Variants in GMPS observed in about 807,000 individuals in gnomAD.
The protein encoded by GMPS is guanosine monophosphate synthase, also known as GMP synthase [glutamine-hydrolyzing].
In GMPS, 15 loss-of-function variants were observed where a neutral mutation model predicts 77.9. That is an observed-to-expected ratio of 0.19 (90% CI 0.13 to 0.30). GMPS has a LOEUF of 0.30. Ranked by LOEUF, GMPS falls within the 10% of genes least tolerant of loss-of-function variation. The probability of loss-of-function intolerance (pLI) is 1.00; values close to 1 mark genes in which losing one functional copy is unlikely to be tolerated. For synonymous variants in GMPS, 224 were observed against 275.9 expected, an observed-to-expected ratio of 0.81 and a Z score of 1.86; for missense variants, 590 against 838.8, an observed-to-expected ratio of 0.70 and a Z score of 3.66.
At chr3:155,878,401 T>C (rs1403481457) in intron 1 of GMPS, among the ~76,000 whole-genome samples, 1 of 152,240 alleles carries the variant, frequency 6.6e-6, no homozygotes, top group Non-Finnish European at 1.5e-5. Flanking sequence ...TATCCACTTA[T>C]CAGTTGATGA....
At chr3:155,934,804 A>C (rs1755718554) in intron 13 of GMPS, 112 bp from the exon 14 acceptor site, 1 of 698,094 alleles carries the variant, frequency 1.4e-6, no homozygotes, top group Non-Finnish European at 2.5e-6. Context: ...CCTGAAACTA[A>C]GTGGGAAATG....
chr3:155,896,729 ATTTTTTT>A (rs1020255894), intron 2 of GMPS, among the ~76,000 whole-genome samples: 6 of 92,056 alleles, frequency 6.5e-5, no homozygotes, highest in African/African-American at 1.9e-4. Flanking sequence ...CCTTACTGAG[ATTTTTTT>A]TTTTTTTTTT....
At position 155,937,696 on chromosome 3, in the gene GMPS, ACTT is replaced by A. The variant is rs1207158758; in HGVS notation, c.*8_*10del. ...AGGAACTACTGAGTGGGAGTAATAA[ACTT>A]CTTGTTCTATTAAAGTACCGTGTGC... On this transcript the variant is annotated 3_prime_UTR_variant, in exon 16 of 16. Transcript: ENST00000496455. The A allele has an allele frequency of 1.8e-6, 2 of 1,121,988 alleles. No homozygotes were observed. Among genetic ancestry groups the A allele is most frequent in the Admixed American group, 1.7e-5 (1 of 58,044 alleles). The allele number at this position is 1,121,988 out of a possible 1,614,324, so 69.5% of individuals were successfully genotyped here. A position where few individuals can be genotyped will look rare whatever the true frequency, so the allele number is the denominator to read the frequency against.
rs58365650 is a variant in GMPS at position 155,873,638 on chromosome 3, C to CT, written c.27+2755dup. Among the ~76,000 whole-genome samples, 28 of 82,552 alleles carry CT rather than the reference C, an allele frequency of 3.4e-4. 1 individual carries two copies. Among genetic ancestry groups the CT allele is most frequent in the South Asian group, 1.6e-3 (4 of 2,436 alleles). 54.2% of individuals were successfully genotyped at this position (82,552 alleles called of 152,430 possible). On this transcript the variant is annotated intron_variant, in intron 1 of 15. Transcript: ENST00000496455. ...TGTCGTTAGGTTACATGAGTAAGTT[C>CT]TTTTTTTTTTTTTTGAGATGGAGTC...
At chr3:155,887,352 T>C (rs1644864705) in intron 1 of GMPS, among the ~76,000 whole-genome samples, 2 of 152,180 alleles carry the variant, frequency 1.3e-5, no homozygotes. Flanking sequence ...CAAAATGACA[T>C]TGTGTCTTTG....
At chr3:155,875,131 T>C (rs1330890319) in intron 1 of GMPS, among the ~76,000 whole-genome samples, 1 of 152,194 alleles carries the variant, frequency 6.6e-6, no homozygotes, top group East Asian at 1.9e-4. Context: ...TTGGCCAGGC[T>C]GGTCTCTAAC....
chr3:155,920,042 G>A (rs918328500), intron 10 of GMPS, among the ~76,000 whole-genome samples: 1 of 152,182 alleles, frequency 6.6e-6, no homozygotes, highest in Admixed American at 6.5e-5. Context: ...CATTTCTTAA[G>A]TACTTTCTAT....
rs1755262216 is a variant in GMPS, at chr3:155,919,336, C to G, written c.1316C>G (p.Pro439Arg). 1 of 1,524,864 alleles carries G rather than the reference C, an allele frequency of 6.6e-7. No individual in the cohort carries two copies. The highest frequency in any genetic ancestry group is 1.4e-5 in the African/African-American group (1 of 73,202). The allele number at this position is 1,524,864 out of a possible 1,614,324, so 94.5% of individuals were successfully genotyped here. The stretch of plus-strand genomic sequence containing the variant: ...GAGTTAGTTTCCAGGCATCCATTTC[C>G]AGGTAAAAATTAGAACTGAATTTTG... ...PEELVSRHPF[P>R]GPGLAIRVIC... is the part of the protein sequence containing the mutation. The change falls in exon 10 of 16, where the codon CCA becomes CGA. Residue 439 changes from proline (P) to arginine (R), a missense_variant and splice_region_variant. Coordinates refer to ENST00000496455, the MANE Select transcript of GMPS (RefSeq NM_003875.3).
rs555597427 is a variant in GMPS at position 155,911,356 on chromosome 3, G to A, written c.886+77G>A. ...AAATCTAGTCTTATGGTTTAAATGA[G>A]CACAATTACAGTTTTCTCAGTATGC... On this transcript the variant is annotated intron_variant, in intron 7 of 15. Coordinates refer to ENST00000496455, the MANE Select transcript of GMPS (RefSeq NM_003875.3). 1.8e-5 allele frequency: 15 copies of A among 855,956 alleles called. No individual in the cohort carries two copies. The Admixed American group carries it at 5.0e-4, about 29-fold the overall frequency. The allele number at this position is 855,956 out of a possible 1,614,324, so 53.0% of individuals were successfully genotyped here. A position where few individuals can be genotyped will look rare whatever the true frequency, so the allele number is the denominator to read the frequency against.
intron 1 of GMPS, among the ~76,000 whole-genome samples, chr3:155,886,611 C>CTTTTTTT (rs58367815): frequency 0.01 from 802 of 78,036 alleles, 29 homozygotes; most frequent in East Asian, 0.022. Flanking sequence ...TTCCTGATGA[C>CTTTTTTT]TTTTTTTTTT....
At chr3:155,877,173 G>A (rs191224481) in intron 1 of GMPS, among the ~76,000 whole-genome samples, 118 of 152,220 alleles carry the variant, frequency 7.8e-4, no homozygotes, top group African/African-American at 2.8e-3. Flanking sequence ...TTGGATCAAC[G>A]ATCTCTGATT....
chr3:155,901,221 T>C (rs1754726808), intron 3 of GMPS, among the ~76,000 whole-genome samples: 1 of 152,166 alleles, frequency 6.6e-6, no homozygotes, highest in African/African-American at 2.4e-5. Flanking sequence ...TTTATGCATA[T>C]GTTTATATTC....
At chr3:155,915,443 C>T (rs973081016) in intron 8 of GMPS, among the ~76,000 whole-genome samples, 2 of 151,514 alleles carry the variant, frequency 1.3e-5, no homozygotes, top group Non-Finnish European at 2.9e-5. Flanking sequence ...ACTCTGCCGC[C>T]CAGGCTGGAG....
At chr3:155,869,485 A>C (rs1290350112), upstream of GMPS, among the ~76,000 whole-genome samples, 2 of 152,202 alleles carry the variant, frequency 1.3e-5, no homozygotes, top group Non-Finnish European at 2.9e-5. Flanking sequence ...TCCGTTCAAA[A>C]AAAGGTAAGC....
rs915456323 is a variant in GMPS, at chr3:155,941,621, A to C, written c.*3929A>C. ...TATGTGGCGAGGACACGCCTTAGCT[A>C]TCACCCCAATGGATGCTTCTTTCAT... On this transcript the variant is annotated 3_prime_UTR_variant, in exon 16 of 16. Transcript: ENST00000496455. 2 of 221,460 alleles carry C rather than the reference A, an allele frequency of 9.0e-6. No homozygotes were observed. Among genetic ancestry groups the C allele is most frequent in the East Asian group, 1.3e-4 (2 of 15,272 alleles). The allele number at this position is 221,460 out of a possible 1,614,324, so 13.7% of individuals were successfully genotyped here.
At chr3:155,912,488 C>G (rs1332420785) in intron 7 of GMPS, among the ~76,000 whole-genome samples, 1 of 152,156 alleles carries the variant, frequency 6.6e-6, no homozygotes, top group Non-Finnish European at 1.5e-5. Flanking sequence ...TCTTTCAACT[C>G]TGACTTGTTT....
At chr3:155,895,468 GC>G (rs1188830044) in intron 2 of GMPS, 1 of 152,038 alleles carries the variant, frequency 6.6e-6, no homozygotes, top group East Asian at 1.9e-4. Flanking sequence ...GTGCTGCCAT[GC>G]CTGGTTAATT....
chr3:155,904,947 C>CT (rs1248290338), intron 4 of GMPS, among the ~76,000 whole-genome samples: 2 of 152,000 alleles, frequency 1.3e-5, no homozygotes, highest in African/African-American at 4.8e-5. Flanking sequence ...CATTAATGTA[C>CT]TTTATCTTCT....
chr3:155,898,996 C>T (rs1258544713), intron 3 of GMPS, among the ~76,000 whole-genome samples: 3 of 152,028 alleles, frequency 2.0e-5, no homozygotes, highest in South Asian at 2.1e-4. Flanking sequence ...TTTGGGAGGC[C>T]GAGGCGGGTG....
Sources: allele counts gnomAD v4.1 joint callset (sites outside exome capture counted in the v4.1 genomes callset), GRCh38; gene constraint gnomAD v4.1.1; transcripts MANE v1.5; gene names NCBI Gene and HGNC (gene_info 2026-07-23, HGNC 2026-07-21).